CHRM3: variants seen among roughly 807,000 people sequenced by gnomAD.
CHRM3 encodes cholinergic receptor muscarinic 3.
In CHRM3, 11 loss-of-function variants were observed where a neutral mutation model predicts 41.8. The observed-to-expected ratio is 0.26, with a 90% CI of 0.17 to 0.44. The LOEUF is 0.44. Among genes scored for constraint, CHRM3 ranks in the 20% least tolerant of loss-of-function variants. CHRM3 has a pLI of 1.00. For missense variants in CHRM3, 571 were observed against 745.4 expected (o/e 0.77, Z 2.72); for synonymous variants, 297 against 301.4 (o/e 0.99, Z 0.15).
At chr1:239,420,979 G>A (rs2103099785) in intron 1 of CHRM3, among the ~76,000 whole-genome samples, 1 of 151,932 alleles carries the variant, frequency 6.6e-6, no homozygotes, top group Non-Finnish European at 1.5e-5. Context: ...TGTTTTTGAG[G>A]GAGAAAAAGG....
intron 4 of CHRM3, among the ~76,000 whole-genome samples, chr1:239,658,650 G>T (rs1237759355): frequency 6.6e-6 from 1 of 151,996 alleles, no homozygotes; most frequent in Non-Finnish European, 1.5e-5. Context: ...CATTATCAAA[G>T]ATTTTTAGCA....
At chr1:239,555,581 G>A (rs1167761903) in intron 3 of CHRM3, among the ~76,000 whole-genome samples, 2 of 152,138 alleles carry the variant, frequency 1.3e-5, no homozygotes, top group Non-Finnish European at 2.9e-5. Flanking sequence ...AATGGTTACT[G>A]CCTCTTTCCA....
intron 3 of CHRM3, among the ~76,000 whole-genome samples, chr1:239,572,768 G>A (rs149692791): frequency 6.6e-6 from 1 of 152,268 alleles, no homozygotes; most frequent in East Asian, 1.9e-4. Flanking sequence ...GATATGGGAT[G>A]CATATGAAAC....
At position 239,909,964 on chromosome 1, in the gene CHRM3, G is replaced by C. The variant is rs548209375; in HGVS notation, c.*740G>C. 1.9e-4 allele frequency: 32 copies of C among 167,084 alleles called. No homozygotes were observed. Among genetic ancestry groups the C allele is most frequent in the African/African-American group, 6.5e-4 (27 of 41,524 alleles). 10.4% of individuals were successfully genotyped at this position (167,084 alleles called of 1,614,324 possible). On this transcript the variant is annotated 3_prime_UTR_variant, in exon 7 of 7. Coordinates refer to ENST00000676153, the MANE Select transcript of CHRM3 (RefSeq NM_001375978.1). ...TACTTTGGTAACTGAAGTTCTCTAG[G>C]ATCCTAATGCAACATTAACGTGAAA...
chr1:239,649,385 T>G (rs1672037029), intron 4 of CHRM3, among the ~76,000 whole-genome samples: 1 of 152,222 alleles, frequency 6.6e-6, no homozygotes, highest in African/African-American at 2.4e-5. Context: ...CTGTTGTTTA[T>G]AAGCTATTTA....
chr1:239,679,378 G>A (rs1217164531), intron 5 of CHRM3, among the ~76,000 whole-genome samples: 1 of 152,200 alleles, frequency 6.6e-6, no homozygotes, highest in East Asian at 1.9e-4. Flanking sequence ...AATTAATCAG[G>A]TGTGAGCTCA....
At chr1:239,417,444 A>G (rs1219470130) in intron 1 of CHRM3, among the ~76,000 whole-genome samples, 1 of 152,198 alleles carries the variant, frequency 6.6e-6, no homozygotes, top group Non-Finnish European at 1.5e-5. Flanking sequence ...TTGTCATAGA[A>G]GCTGAGGAAC....
Position 239,657,425 on chromosome 1 carries a change from A to G in CHRM3, c.-249-20761A>G, listed in dbSNP as rs187043227. 5.3e-3 allele frequency among the ~76,000 whole-genome samples: 805 copies of G among 152,310 alleles called. 7 individuals carry two copies. Among genetic ancestry groups the G allele is most frequent in the Admixed American group, 8.8e-3 (135 of 15,304 alleles). ...GAGACCAAAGAACAAAAACTGAGAG[A>G]GGCCAAAGAACAACTAAGTACTCTG... On this transcript the variant is annotated intron_variant, in intron 4 of 6. Transcript: ENST00000676153.
intron 5 of CHRM3, among the ~76,000 whole-genome samples, chr1:239,699,671 C>T (rs942157613): frequency 7.2e-5 from 11 of 152,098 alleles, no homozygotes; most frequent in African/African-American, 2.4e-4. Context: ...GGATGTATGT[C>T]TTCATACATA....
chr1:239,565,109 T>C (rs1297392588), intron 3 of CHRM3, among the ~76,000 whole-genome samples: 3 of 152,158 alleles, frequency 2.0e-5, no homozygotes, highest in Non-Finnish European at 4.4e-5. Flanking sequence ...CAGATCTCCC[T>C]CTTATGAGGA....
chr1:239,417,603 T>C (rs1014880650), intron 1 of CHRM3, among the ~76,000 whole-genome samples: 11 of 151,234 alleles, frequency 7.3e-5, no homozygotes, highest in Admixed American at 1.3e-4. Context: ...TTTTGCTTTT[T>C]CTCTTAATTT....
At chr1:239,602,089 C>CGTGTGTGT (rs1553337591) in intron 3 of CHRM3, among the ~76,000 whole-genome samples, 4 of 13,078 alleles carry the variant, frequency 3.1e-4, no homozygotes, top group Middle Eastern at 0.031. Context: ...TACATATATA[C>CGTGTGTGT]ATGTGTGTGT....
intron 6 of CHRM3, among the ~76,000 whole-genome samples, chr1:239,858,965 C>A (rs2149260075): frequency 6.6e-6 from 1 of 152,326 alleles, no homozygotes; most frequent in South Asian, 2.1e-4. Context: ...CCATTGGATG[C>A]AAATACCACA....
At chr1:239,812,595 A>T (rs1246361705) in intron 5 of CHRM3, among the ~76,000 whole-genome samples, 1 of 152,210 alleles carries the variant, frequency 6.6e-6, no homozygotes, top group Non-Finnish European at 1.5e-5. Flanking sequence ...GGTCTGTGTA[A>T]GGCTGACTTA....
chr1:239,419,430 T>C (rs968422924), intron 1 of CHRM3, among the ~76,000 whole-genome samples: 4 of 152,014 alleles, frequency 2.6e-5, no homozygotes, highest in African/African-American at 9.7e-5. Flanking sequence ...TACAGTTTTC[T>C]TATCTTTAAT....
chr1:239,613,714 ATG>A (rs1277168628), intron 3 of CHRM3, among the ~76,000 whole-genome samples: 2 of 152,110 alleles, frequency 1.3e-5, no homozygotes, highest in African/African-American at 2.4e-5. Flanking sequence ...TTCCCTCTGC[ATG>A]TGTGTGTTTC....
chr1:239,707,541 T>C (rs1487103465), intron 5 of CHRM3: 1 of 152,196 alleles, frequency 6.6e-6, no homozygotes, highest in East Asian at 1.9e-4. Flanking sequence ...TACCAGTGTT[T>C]GTTAGAAGGA....
At chr1:239,692,503 G>T (rs1659814840) in intron 5 of CHRM3, among the ~76,000 whole-genome samples, 1 of 152,094 alleles carries the variant, frequency 6.6e-6, no homozygotes, top group Non-Finnish European at 1.5e-5. Context: ...GGACCACAAG[G>T]TAATCCTGCT....
At chr1:239,774,389 A>G (rs1667932214) in intron 5 of CHRM3, among the ~76,000 whole-genome samples, 1 of 152,172 alleles carries the variant, frequency 6.6e-6, no homozygotes, top group South Asian at 2.1e-4. Context: ...TACTCAGAAC[A>G]ATAGGAGTTC....
Sources: allele counts gnomAD v4.1 joint callset (sites outside exome capture counted in the v4.1 genomes callset), GRCh38; gene constraint gnomAD v4.1.1; transcripts MANE v1.5; gene names NCBI Gene and HGNC (gene_info 2026-07-23, HGNC 2026-07-21).